SCARA3: variants seen among roughly 807,000 people sequenced by gnomAD.
SCARA3 encodes the protein scavenger receptor class A member 3.
A neutral mutation model predicts 47.0 loss-of-function variants in SCARA3; 39 were observed. The observed-to-expected ratio is 0.83, with a 90% CI of 0.64 to 1.08. The LOEUF (loss-of-function observed/expected upper bound fraction) is 1.08. Among genes scored for constraint, SCARA3 ranks in the 50% least tolerant of loss-of-function variants. The probability of loss-of-function intolerance (pLI) is 0.00; values close to 1 mark genes in which losing one functional copy is unlikely to be tolerated. For missense variants in SCARA3, 724 were observed against 792.3 expected, an observed-to-expected ratio of 0.91 and a Z score of 1.04; for synonymous variants, 356 against 334.1, an observed-to-expected ratio of 1.07 and a Z score of -0.71.
intron 5 of SCARA3, among the ~76,000 whole-genome samples, chr8:27,667,265 G>A (rs941130093): frequency 1.3e-5 from 2 of 152,174 alleles, no homozygotes; most frequent in African/African-American, 4.8e-5. Context: ...TCCTCTGCCC[G>A]CATGACTCAT....
the SCARA3 span, among the ~76,000 whole-genome samples, chr8:27,715,831 T>TAGAC: frequency 2.1e-5 from 2 of 93,314 alleles, no homozygotes; most frequent in Non-Finnish European, 4.3e-5. This position sits in a 1 kb window ranked among gnomAD's most constrained non-coding sequence, Gnocchi z 4.2. Flanking sequence ...AGATGATAGA[T>TAGAC]AGATAGATAG....
downstream of SCARA3, chr8:27,676,451 TC>T (rs1802278687): frequency 9.2e-7 from 1 of 1,090,294 alleles, no homozygotes; most frequent in Non-Finnish European, 1.3e-6. Context: ...GCCCCCGACT[TC>T]CCTGAGGCCT....
intron 5 of SCARA3, 133 bp downstream of exon 5, chr8:27,659,672 A>T: frequency 4.2e-6 from 3 of 718,136 alleles, no homozygotes; most frequent in Non-Finnish European, 4.5e-6. Flanking sequence ...TGCCTACAGC[A>T]GTCGGCAGCT....
In SCARA3 at chr8:27,653,923, C is replaced by G. The variant is rs1801688695; in HGVS notation, c.226+2296C>G. On this transcript the variant is annotated intron_variant, in intron 3 of 5. Coordinates refer to ENST00000301904, the MANE Select transcript of SCARA3 (RefSeq NM_016240.3). ...GGTTACATACAATCTTTGTCACAAC[C>G]AAACTCGTCACAGAGCAAAAGCAGC... 2.6e-5 allele frequency among the ~76,000 whole-genome samples: 4 copies of G among 152,024 alleles called. No individual in the cohort carries two copies. The South Asian group carries it at 8.3e-4, about 32-fold the overall frequency.
the SCARA3 span, among the ~76,000 whole-genome samples, chr8:27,706,306 A>C: frequency 1.3e-5 from 2 of 152,098 alleles, no homozygotes; most frequent in African/African-American, 4.8e-5. Flanking sequence ...GATGTGCACC[A>C]CCATGCCCAG....
At chr8:27,720,618 CTCCATCCATCCA>C in the SCARA3 span, among the ~76,000 whole-genome samples, 1,493 of 145,480 alleles carry the variant, frequency 0.01, 7 homozygotes, top group Non-Finnish European at 0.013. Context: ...TCCTTTCTAT[CTCCATCCATCCA>C]TCCATCCATC....
intron 1 of SCARA3, among the ~76,000 whole-genome samples, chr8:27,649,240 G>C (rs1412318721): frequency 6.6e-6 from 1 of 152,152 alleles, no homozygotes; most frequent in Non-Finnish European, 1.5e-5. Context: ...TCCTCCCTCT[G>C]GCCTCCTCCT....
At chr8:27,707,148 T>A in the SCARA3 span, among the ~76,000 whole-genome samples, 1 of 152,172 alleles carries the variant, frequency 6.6e-6, no homozygotes, top group Admixed American at 6.5e-5. Flanking sequence ...AGCCCCTTCC[T>A]TTTGTCCTAC....
chr8:27,657,786 C>T (rs1270780916), intron 4 of SCARA3, among the ~76,000 whole-genome samples: 5 of 151,942 alleles, frequency 3.3e-5, no homozygotes, highest in African/African-American at 9.7e-5. Context: ...GTGATCCGCC[C>T]GCCTCTGCCT....
chr8:27,678,933 A>G (rs1802317487), downstream of SCARA3, among the ~76,000 whole-genome samples: 3 of 152,172 alleles, frequency 2.0e-5, no homozygotes, highest in Admixed American at 6.5e-5. Flanking sequence ...CACGCCTGTA[A>G]TCCCAGCACT....
In SCARA3 at chr8:27,671,719, C is replaced by T. The variant is rs1396194269; in HGVS notation, c.*368C>T. Reference sequence around the variant, plus strand: ...ACAGGCACACATGCATGCACACATACACATGCACACACACATGCACACATA... The same window carrying T: ...ACAGGCACACATGCATGCACACATATACATGCACACACACATGCACACATA... On this transcript the variant is annotated 3_prime_UTR_variant, in exon 6 of 6. Transcript: ENST00000301904. 5 of 1,051,128 alleles carry T rather than the reference C, an allele frequency of 4.8e-6. No homozygotes were observed. The highest frequency in any genetic ancestry group is 1.3e-4 in the East Asian group (2 of 14,864). 65.1% of individuals were successfully genotyped at this position (1,051,128 alleles called of 1,614,324 possible). A position where few individuals can be genotyped will look rare whatever the true frequency, so the allele number is the denominator to read the frequency against.
Position 27,657,820 on chromosome 8 carries a change from G to A in SCARA3, c.326-676G>A, listed in dbSNP as rs535612799. 1.2e-3 allele frequency among the ~76,000 whole-genome samples: 185 copies of A among 152,158 alleles called. 1 individual carries two copies. Among genetic ancestry groups the A allele is most frequent in the East Asian group, 3.7e-3 (19 of 5,142 alleles). ...CTCCCAAAGTGCTGGGATTACAGGC[G>A]TGAGCCACTGCACCCAGCATCTACA... On this transcript the variant is annotated intron_variant, in intron 4 of 5. Transcript: ENST00000301904.
At chr8:27,715,865 CATAGATAGATAGA>C in the SCARA3 span, among the ~76,000 whole-genome samples, 1 of 90,034 alleles carries the variant, frequency 1.1e-5, no homozygotes, top group Non-Finnish European at 2.4e-5. This position sits in a 1 kb window ranked among gnomAD's most constrained non-coding sequence, Gnocchi z 4.2. Context: ...TAGATAGATA[CATAGATAGATAGA>C]TAGAAAGAAA....
chr8:27,669,114 G>A (rs1176836983), intron 5 of SCARA3, among the ~76,000 whole-genome samples: 1 of 152,096 alleles, frequency 6.6e-6, no homozygotes, highest in Non-Finnish European at 1.5e-5. Context: ...AGCCCTGGGG[G>A]AGAAGTGAGC....
the SCARA3 span, among the ~76,000 whole-genome samples, chr8:27,688,378 A>C: frequency 1.3e-5 from 2 of 151,404 alleles, no homozygotes; most frequent in Non-Finnish European, 2.9e-5. Flanking sequence ...AAAGAAAAAA[A>C]CTGGAAGTCC....
chr8:27,648,031 C>T (rs367605893), intron 1 of SCARA3, among the ~76,000 whole-genome samples: 15 of 152,236 alleles, frequency 9.9e-5, no homozygotes, highest in African/African-American at 3.1e-4. Context: ...ATGTACCACC[C>T]TCTTCTTGTC....
the SCARA3 span, among the ~76,000 whole-genome samples, chr8:27,698,518 C>T: frequency 6.6e-6 from 1 of 151,970 alleles, no homozygotes; most frequent in Non-Finnish European, 1.5e-5. Flanking sequence ...AGAGGTCCTC[C>T]CCAACGAAAT....
intron 3 of SCARA3, among the ~76,000 whole-genome samples, chr8:27,652,571 G>A (rs1198505151): frequency 6.6e-6 from 1 of 152,206 alleles, no homozygotes; most frequent in Non-Finnish European, 1.5e-5. Context: ...CCTCGTCCTG[G>A]CCCTGGCTGG....
chr8:27,653,708 C>T (rs867164604), intron 3 of SCARA3, among the ~76,000 whole-genome samples: 1 of 151,948 alleles, frequency 6.6e-6, no homozygotes, highest in African/African-American at 2.4e-5. Flanking sequence ...TACAAACCAA[C>T]TCTATTCATT....
Sources: allele counts gnomAD v4.1 joint callset (sites outside exome capture counted in the v4.1 genomes callset), GRCh38; gene constraint gnomAD v4.1.1; non-coding constraint Gnocchi (gnomAD v3.1); transcripts MANE v1.5; gene names NCBI Gene and HGNC (gene_info 2026-07-23, HGNC 2026-07-21).